Variants in COL13A1 observed in about 807,000 individuals in gnomAD.
The protein encoded by COL13A1 is collagen type XIII alpha 1 chain.
Under a neutral mutation model 130.9 loss-of-function variants are expected in COL13A1, and 89 were observed. The ratio of observed to expected loss-of-function variants is 0.68; its 90% confidence interval spans 0.57 to 0.81. The LOEUF (loss-of-function observed/expected upper bound fraction) is 0.81. Ranked by LOEUF, COL13A1 falls within the 30% of genes least tolerant of loss-of-function variation. The pLI, the probability that COL13A1 is intolerant of heterozygous loss-of-function variation, is 0.00. For synonymous variants in COL13A1, 402 were observed against 341.6 expected (o/e 1.18, Z -1.95); for missense variants, 879 against 934.6 (o/e 0.94, Z 0.78).
At chr10:69,910,661 T>C (rs899834442) in intron 17 of COL13A1, among the ~76,000 whole-genome samples, 3 of 152,130 alleles carry the variant, frequency 2.0e-5, no homozygotes, top group Non-Finnish European at 4.4e-5. Flanking sequence ...ACACTGCGAG[T>C]ATTGTTGTGC....
At chr10:69,832,997 A>C (rs942563) in intron 2 of COL13A1, among the ~76,000 whole-genome samples, 147,661 of 152,274 alleles carry the variant, frequency 0.97, 71,674 homozygotes, top group Non-Finnish European at 1. Flanking sequence ...TAGGAGAACG[A>C]GGGGCAACTG....
At chr10:69,928,790 T>G (rs1401009369) in intron 27 of COL13A1, 147 bp from the exon 28 acceptor site, 1 of 565,438 alleles carries the variant, frequency 1.8e-6, no homozygotes, top group Non-Finnish European at 3.1e-6. Flanking sequence ...CCATGTTATT[T>G]TCTTTGCAAA....
chr10:69,890,485 G>A (rs567892293), intron 10 of COL13A1, among the ~76,000 whole-genome samples: 73 of 152,386 alleles, frequency 4.8e-4, no homozygotes, highest in Non-Finnish European at 1.3e-4. Context: ...TGTGCAGGGT[G>A]GTGAAAGCAA....
At chr10:69,913,960 G>A (rs1320227086) in intron 17 of COL13A1, among the ~76,000 whole-genome samples, 1 of 152,148 alleles carries the variant, frequency 6.6e-6, no homozygotes, top group Non-Finnish European at 1.5e-5. Context: ...AAGGGGCGAA[G>A]GTCAGCCACC....
At chr10:69,946,475 G>A (rs1017195214) in intron 37 of COL13A1, among the ~76,000 whole-genome samples, 5 of 152,266 alleles carry the variant, frequency 3.3e-5, no homozygotes, top group African/African-American at 1.2e-4. Context: ...GTGTCTGCCT[G>A]AGAGAGCCCG....
At chr10:69,861,105 C>T (rs761108213) in intron 2 of COL13A1, among the ~76,000 whole-genome samples, 17 of 152,152 alleles carry the variant, frequency 1.1e-4, no homozygotes, top group Middle Eastern at 3.2e-3. Flanking sequence ...GAGCCTCCCC[C>T]GTCCCACCAG....
intron 13 of COL13A1, among the ~76,000 whole-genome samples, chr10:69,896,868 T>C (rs2134909439): frequency 6.6e-6 from 1 of 152,320 alleles, no homozygotes; most frequent in African/African-American, 2.4e-5. Flanking sequence ...GCCAGCCTGA[T>C]CCTGATACAA....
At position 69,944,181 on chromosome 10, in the gene COL13A1, G is replaced by A. The variant is rs775679094; in HGVS notation, c.1968+3G>A. 1.9e-6 allele frequency: 3 copies of A among 1,613,456 alleles called. No homozygotes were observed. Among genetic ancestry groups the A allele is most frequent in the Non-Finnish European group, 1.7e-6 (2 of 1,179,638 alleles). The stretch of plus-strand genomic sequence containing the variant: ...CAGCGGGACCAAAGGGCGAGAGGGT[G>A]AGTGTCACTGAGCCAGGGGCCTGGG... On this transcript the variant is annotated splice_donor_region_variant and intron_variant, in intron 36 of 40. Transcript: ENST00000645393.
At chr10:69,813,515 T>C (rs1025269386) in intron 1 of COL13A1, among the ~76,000 whole-genome samples, 1 of 152,148 alleles carries the variant, frequency 6.6e-6, no homozygotes, top group African/African-American at 2.4e-5. Context: ...ATGTGGTATC[T>C]GGAGGACCCG....
At chr10:69,880,481 C>T (rs368660092) in intron 6 of COL13A1, 22 bp from the exon 7 acceptor site, 5 of 1,454,914 alleles carry the variant, frequency 3.4e-6, no homozygotes, top group Non-Finnish European at 2.9e-6. Flanking sequence ...CGCTCCCTCT[C>T]CCCCTTCCTC....
At chr10:69,875,034 G>C in intron 4 of COL13A1, 94 bp from the exon 5 acceptor site, 3 of 1,520,640 alleles carry the variant, frequency 2.0e-6, no homozygotes, top group Non-Finnish European at 9.1e-7. Context: ...GGTTAGCTGT[G>C]CCCTAAATCA....
intron 27 of COL13A1, among the ~76,000 whole-genome samples, chr10:69,928,558 A>G (rs762227197): frequency 6.6e-6 from 1 of 152,158 alleles, no homozygotes; most frequent in African/African-American, 2.4e-5. Context: ...ATTTCATTGT[A>G]TGGATGTACC....
At chr10:69,908,854 C>T (rs2063062778) in intron 17 of COL13A1, among the ~76,000 whole-genome samples, 1 of 152,080 alleles carries the variant, frequency 6.6e-6, no homozygotes. Flanking sequence ...TTTTGCATGA[C>T]TAGAAGTAGA....
intron 27 of COL13A1, 136 bp downstream of exon 27, chr10:69,927,246 TG>T: frequency 1.2e-5 from 16 of 1,378,512 alleles, no homozygotes; most frequent in Non-Finnish European, 1.6e-5. Flanking sequence ...CCAACAGGGC[TG>T]GGGCAGATGA....
chr10:69,855,777 G>C lies in COL13A1; in HGVS notation c.365-12021G>C, dbSNP rs575017903. Reference sequence around the variant, plus strand: ...CTCTGGGCTCCATGCCCAGTAGAAGGGGGGAGGGATGCAAGAGGGAGGGAT... The same window carrying C: ...CTCTGGGCTCCATGCCCAGTAGAAGCGGGGAGGGATGCAAGAGGGAGGGAT... On this transcript the variant is annotated intron_variant, in intron 2 of 40. Coordinates refer to ENST00000645393, the MANE Select transcript of COL13A1 (RefSeq NM_001368882.1). Among the ~76,000 whole-genome samples, 888 of 152,270 alleles carry C rather than the reference G, an allele frequency of 5.8e-3. 6 individuals are homozygous for C. Among genetic ancestry groups the C allele is most frequent in the African/African-American group, 0.021 (852 of 41,524 alleles).
chr10:69,879,024 T>C (rs2059885291), intron 6 of COL13A1, among the ~76,000 whole-genome samples: 1 of 152,280 alleles, frequency 6.6e-6, no homozygotes, highest in African/African-American at 2.4e-5. Flanking sequence ...ACACAAATTG[T>C]GTCAGGTGCG....
At chr10:69,841,759 G>A (rs1043176382) in intron 2 of COL13A1, among the ~76,000 whole-genome samples, 1 of 152,202 alleles carries the variant, frequency 6.6e-6, no homozygotes, top group Admixed American at 6.5e-5. Flanking sequence ...CAAGGGAGTA[G>A]GAATTGACCA....
chr10:69,820,370 C>G (rs570995512), intron 1 of COL13A1, among the ~76,000 whole-genome samples: 1 of 152,226 alleles, frequency 6.6e-6, no homozygotes, highest in South Asian at 2.1e-4. Context: ...ATGGTTACAA[C>G]CTTTAGCCAA....
intron 27 of COL13A1, 90 bp downstream of exon 27, chr10:69,927,200 C>A: frequency 6.3e-7 from 1 of 1,587,216 alleles, no homozygotes. Flanking sequence ...TTCTCCCCTC[C>A]AGAAAGCAGG....
Sources: gnomAD v4.1 joint callset for allele counts (sites outside exome capture counted in the v4.1 genomes callset) on GRCh38, gnomAD v4.1.1 for gene constraint, MANE v1.5 for transcripts, NCBI Gene and HGNC (gene_info 2026-07-23, HGNC 2026-07-21) for gene names.